The following CDKAL1 variants were observed in gnomAD, a reference collection of about 807,000 sequenced individuals.
CDKAL1 encodes the protein CDKAL1 threonylcarbamoyladenosine tRNA methylthiotransferase, also known as threonylcarbamoyladenosine tRNA methylthiotransferase.
Under a neutral mutation model 68.2 loss-of-function variants are expected in CDKAL1, and 32 were observed. The ratio of observed to expected loss-of-function variants is 0.47; its 90% CI spans 0.35 to 0.63. The LOEUF (loss-of-function observed/expected upper bound fraction) is 0.63. CDKAL1 is among the 30% of genes least tolerant of loss of function. CDKAL1 has a pLI of 0.00. For synonymous variants in CDKAL1, 234 were observed against 244.3 expected (o/e 0.96, Z 0.39); for missense variants, 606 against 696.7 (o/e 0.87, Z 1.47).
At chr6:21,031,428 T>G (rs1354838796) in intron 11 of CDKAL1, among the ~76,000 whole-genome samples, 2 of 151,860 alleles carry the variant, frequency 1.3e-5, no homozygotes, top group African/African-American at 2.4e-5. Context: ...TCCACTAATT[T>G]GGGACCTTAA....
At chr6:21,191,992 C>CTTTTTT (rs145894251) in intron 13 of CDKAL1, among the ~76,000 whole-genome samples, 618 of 34,580 alleles carry the variant, frequency 0.018, 204 homozygotes, top group Non-Finnish European at 0.024. Flanking sequence ...ATTCATTTTT[C>CTTTTTT]TTTTTTTTTT....
Position 20,543,019 on chromosome 6 carries a change from A to G in CDKAL1, c.-5-3327A>G, listed in dbSNP as rs188798742. Among the ~76,000 whole-genome samples, 111 of 152,320 alleles carry G rather than the reference A, an allele frequency of 7.3e-4. 3 individuals carry two copies. Among genetic ancestry groups the G allele is most frequent in the Middle Eastern group, 6.8e-3 (2 of 294 alleles). ...TTAGTACATTTCTTTTTATTGCTCA[A>G]TAGTGTTCCATGGTATGGATGTACC... On this transcript the variant is annotated intron_variant, in intron 2 of 15. Coordinates refer to ENST00000274695, the MANE Select transcript of CDKAL1 (RefSeq NM_017774.3).
intron 11 of CDKAL1, among the ~76,000 whole-genome samples, chr6:21,036,122 A>T (rs1769572691): frequency 6.6e-6 from 1 of 152,204 alleles, no homozygotes; most frequent in African/African-American, 2.4e-5. Flanking sequence ...TAACTTTGAC[A>T]GCATGGTAAC....
chr6:21,230,916 C>G lies in CDKAL1; in HGVS notation c.1617C>G (p.Asp539Glu). The part of the protein sequence containing the change: ...GSHTSAASQC[D>E]SASSRMVLPM... The stretch of plus-strand genomic sequence containing the variant: ...ACACCTCTGCTGCATCTCAGTGTGA[C>G]TCAGCGAGTTCCAGAATGGTGCTGC... Residue 539 changes from aspartate to glutamate, a missense_variant, in exon 16 of 16, where the codon GAC becomes GAG. Asp to Glu is a conservative substitution (Grantham distance 45, BLOSUM62 2). Transcript: ENST00000274695. 1.2e-6 allele frequency: 2 copies of G among 1,614,112 alleles called. No individual in the cohort carries two copies. The highest frequency in any genetic ancestry group is 1.7e-6 in the Non-Finnish European group (2 of 1,179,956).
intron 4 of CDKAL1, among the ~76,000 whole-genome samples, chr6:20,568,266 A>G (rs541201774): frequency 3.3e-5 from 5 of 152,202 alleles, no homozygotes; most frequent in African/African-American, 1.2e-4. Flanking sequence ...GGATCCTCCC[A>G]CTTCAGCCTC....
At chr6:20,897,380 G>A (rs1184203720) in intron 9 of CDKAL1, among the ~76,000 whole-genome samples, 1 of 152,130 alleles carries the variant, frequency 6.6e-6, no homozygotes, top group Non-Finnish European at 1.5e-5. Context: ...CTCAGATGAA[G>A]AAGTGATTAG....
intron 9 of CDKAL1, among the ~76,000 whole-genome samples, chr6:20,917,581 G>A (rs944657491): frequency 6.6e-6 from 1 of 152,052 alleles, no homozygotes; most frequent in Non-Finnish European, 1.5e-5. Flanking sequence ...AAGCTCTTTA[G>A]TGGTGATTTC....
At chr6:20,623,578 TA>T in intron 4 of CDKAL1, among the ~76,000 whole-genome samples, 1 of 152,160 alleles carries the variant, frequency 6.6e-6, no homozygotes, top group East Asian at 1.9e-4. Flanking sequence ...ATAGTGATTT[TA>T]AAAATATTTA....
chr6:20,983,059 C>G (rs370023628), intron 10 of CDKAL1, among the ~76,000 whole-genome samples: 14 of 152,218 alleles, frequency 9.2e-5, no homozygotes, highest in Middle Eastern at 3.4e-3. Context: ...CATGTAGTAA[C>G]TAGAAATGCT....
At chr6:20,553,590 T>A (rs903321816) in intron 4 of CDKAL1, among the ~76,000 whole-genome samples, 1 of 152,188 alleles carries the variant, frequency 6.6e-6, no homozygotes, top group Non-Finnish European at 1.5e-5. Flanking sequence ...TTTCAAACCC[T>A]TTTTTATTTT....
At position 21,146,681 on chromosome 6, in the gene CDKAL1, T is replaced by G. The variant is rs192138440; in HGVS notation, c.1299+38218T>G. ...CTGGCTAACATGGTGAAACCCCATC[T>G]CTACTAAAAATACAAAAAAATCAGC... On this transcript the variant is annotated intron_variant, in intron 13 of 15. Transcript: ENST00000274695. 4.5e-3 allele frequency among the ~76,000 whole-genome samples: 682 copies of G among 151,868 alleles called. 4 individuals are homozygous for G. Among genetic ancestry groups the G allele is most frequent in the African/African-American group, 0.015 (611 of 41,422 alleles).
intron 11 of CDKAL1, among the ~76,000 whole-genome samples, chr6:21,037,927 A>G (rs1167266667): frequency 6.6e-6 from 1 of 152,210 alleles, no homozygotes; most frequent in Non-Finnish European, 1.5e-5. Flanking sequence ...TCTTTCTTAG[A>G]AAGGGAGCTA....
At chr6:20,725,299 T>C (rs1379929455) in intron 5 of CDKAL1, among the ~76,000 whole-genome samples, 1 of 152,260 alleles carries the variant, frequency 6.6e-6, no homozygotes. Context: ...ATAGAATATA[T>C]GCCATATACT....
intron 13 of CDKAL1, among the ~76,000 whole-genome samples, chr6:21,166,182 T>C (rs1187492451): frequency 1.3e-5 from 2 of 152,152 alleles, no homozygotes; most frequent in Non-Finnish European, 1.5e-5. Flanking sequence ...AAGGGGGTAG[T>C]CGTAGGGATA....
chr6:20,915,591 G>A (rs574368225), intron 9 of CDKAL1, among the ~76,000 whole-genome samples: 153 of 152,262 alleles, frequency 1.0e-3, no homozygotes, highest in African/African-American at 3.6e-3. Flanking sequence ...ATGACATCTG[G>A]TCTGGTGTTT....
chr6:20,862,305 A>G (rs544527852), intron 9 of CDKAL1, among the ~76,000 whole-genome samples: 2 of 152,326 alleles, frequency 1.3e-5, no homozygotes, highest in East Asian at 3.9e-4. Context: ...TAAGCTTGTG[A>G]TACTATGACA....
intron 10 of CDKAL1, among the ~76,000 whole-genome samples, chr6:20,990,202 C>T (rs1374872311): frequency 6.6e-6 from 1 of 152,128 alleles, no homozygotes; most frequent in African/African-American, 2.4e-5. Context: ...AAGATCGCAA[C>T]ACTGCACTCC....
intron 7 of CDKAL1, among the ~76,000 whole-genome samples, chr6:20,778,993 A>G (rs1295494383): frequency 6.6e-6 from 1 of 152,202 alleles, no homozygotes; most frequent in Non-Finnish European, 1.5e-5. Flanking sequence ...TCGTCATAAC[A>G]TTCTACTGAA....
chr6:20,707,207 C>G (rs1771640077), intron 5 of CDKAL1, among the ~76,000 whole-genome samples: 1 of 152,134 alleles, frequency 6.6e-6, no homozygotes, highest in African/African-American at 2.4e-5. Flanking sequence ...CCTGCTAGGC[C>G]TTTGTTCTTG....
Sources: gnomAD v4.1 joint callset for allele counts (sites outside exome capture counted in the v4.1 genomes callset) on GRCh38, gnomAD v4.1.1 for gene constraint, MANE v1.5 for transcripts, NCBI Gene and HGNC (gene_info 2026-07-23, HGNC 2026-07-21) for gene names.